The following DHDDS variants were observed in gnomAD, a reference collection of about 807,000 sequenced individuals.
DHDDS encodes dehydrodolichyl diphosphate synthase subunit.
In DHDDS, 16 loss-of-function variants were observed where a neutral mutation model predicts 46.2. The observed-to-expected ratio is 0.35, with a 90% CI of 0.23 to 0.53. The LOEUF is 0.53. Among genes scored for constraint, DHDDS ranks in the 20% least tolerant of loss-of-function variants. The pLI is 0.94. For missense variants in DHDDS, 340 were observed against 423.7 expected, an observed-to-expected ratio of 0.80 and a Z score of 1.73; for synonymous variants, 151 against 163.1, an observed-to-expected ratio of 0.93 and a Z score of 0.56.
At chr1:26,453,800 A>G (rs1311176767) in intron 6 of DHDDS, among the ~76,000 whole-genome samples, 10 of 152,028 alleles carry the variant, frequency 6.6e-5, no homozygotes, top group Non-Finnish European at 1.0e-4. Context: ...AAAAACTGAT[A>G]TTTTACCGTT....
chr1:26,440,999 A>G (rs2075213200), intron 3 of DHDDS, among the ~76,000 whole-genome samples: 1 of 150,222 alleles, frequency 6.7e-6, no homozygotes, highest in Non-Finnish European at 1.5e-5. Context: ...ATCTCAGTTC[A>G]CTGCAACCTC....
chr1:26,443,862 A>G (rs1335324447), intron 4 of DHDDS, among the ~76,000 whole-genome samples: 3 of 152,230 alleles, frequency 2.0e-5, no homozygotes, highest in Admixed American at 6.5e-5. Context: ...AGTGTTTACT[A>G]TATGCCAGGC....
chr1:26,456,372 G>GA (rs2075370281), intron 6 of DHDDS, among the ~76,000 whole-genome samples: 1 of 151,162 alleles, frequency 6.6e-6, no homozygotes, highest in African/African-American at 2.4e-5. Flanking sequence ...ACCCTGTCTG[G>GA]AAAAAAAATA....
rs529761102 is a variant in DHDDS at position 26,432,834 on chromosome 1, A to G, written c.-55-57A>G. ...TAGTCCATCTGATTCCCCAGAAGTC[A>G]GTTATAGCTCTTCGCAAACCTTGGT... is the stretch of plus-strand genomic sequence containing the variant. On this transcript the variant is annotated intron_variant, in intron 1 of 8. Transcript: ENST00000236342. 23 of 1,077,888 alleles carry G rather than the reference A, an allele frequency of 2.1e-5. No individual in the cohort carries two copies. In the East Asian group the frequency reaches 5.2e-4, roughly 25 times the overall value. The allele number at this position is 1,077,888 out of a possible 1,614,324, so 66.8% of individuals were successfully genotyped here. A position where few individuals can be genotyped will look rare whatever the true frequency, so the allele number is the denominator to read the frequency against.
chr1:26,454,113 C>G (rs973926446), intron 6 of DHDDS, among the ~76,000 whole-genome samples: 1 of 152,052 alleles, frequency 6.6e-6, no homozygotes, highest in African/African-American at 2.4e-5. Flanking sequence ...ACCACCACGC[C>G]CGGCTAATTT....
intron 6 of DHDDS, among the ~76,000 whole-genome samples, chr1:26,456,752 A>G (rs1033232451): frequency 6.6e-6 from 1 of 152,196 alleles, no homozygotes; most frequent in African/African-American, 2.4e-5. Context: ...AAAAAGAAAT[A>G]GTCTTTTCTT....
At chr1:26,435,264 C>G (rs2075142529) in intron 2 of DHDDS, among the ~76,000 whole-genome samples, 1 of 152,002 alleles carries the variant, frequency 6.6e-6, no homozygotes, top group South Asian at 2.1e-4. Context: ...CCCGCCTCGG[C>G]CTCCCAAAGT....
chr1:26,467,263 C>G, intron 8 of DHDDS: 1 of 465,890 alleles, frequency 2.1e-6, no homozygotes, highest in South Asian at 1.6e-5. Flanking sequence ...CTGCGCATCT[C>G]CATATCCTCA....
At chr1:26,446,204 C>T in intron 4 of DHDDS, 112 bp from the exon 5 acceptor site, 1 of 806,940 alleles carries the variant, frequency 1.2e-6, no homozygotes. Flanking sequence ...AGAACAGGGT[C>T]TGACACACAG....
At chr1:26,439,664 C>G (rs889335179) in intron 3 of DHDDS, among the ~76,000 whole-genome samples, 1 of 152,132 alleles carries the variant, frequency 6.6e-6, no homozygotes, top group African/African-American at 2.4e-5. Context: ...TCTGCTTTGC[C>G]AAGGCTGAGG....
chr1:26,454,857 A>G, intron 6 of DHDDS: 1 of 1,587,612 alleles, frequency 6.3e-7, no homozygotes, highest in Non-Finnish European at 8.6e-7. Context: ...ATGACCAGAG[A>G]ATCTACATTT....
intron 6 of DHDDS, among the ~76,000 whole-genome samples, chr1:26,457,126 G>A (rs539707953): frequency 6.6e-6 from 1 of 152,004 alleles, no homozygotes; most frequent in Non-Finnish European, 1.5e-5. Context: ...ATTCATCTTT[G>A]AGCCTCAGTT....
At chr1:26,432,520 T>G in intron 1 of DHDDS, 144 bp downstream of exon 1, 1 of 239,224 alleles carries the variant, frequency 4.2e-6, no homozygotes, top group East Asian at 1.1e-4. Context: ...ACTGAAGGAG[T>G]TAGTAACTGG....
intron 3 of DHDDS, among the ~76,000 whole-genome samples, chr1:26,440,141 A>C (rs992720420): frequency 6.6e-6 from 1 of 152,250 alleles, no homozygotes; most frequent in Non-Finnish European, 1.5e-5. Flanking sequence ...TCCGTCTCAA[A>C]AAAAATAAAT....
intron 4 of DHDDS, among the ~76,000 whole-genome samples, chr1:26,443,486 A>G (rs1195508485): frequency 6.6e-6 from 1 of 152,220 alleles, no homozygotes; most frequent in East Asian, 1.9e-4. Context: ...TTTAGGCTTA[A>G]CTTAGGGAAT....
Position 26,469,296 on chromosome 1 carries a change from G to C in DHDDS, c.*165G>C. ...GTTTGCTGGCCATAGATACCTTTGG[G>C]CTGCCTGGGACAGGCTCCTGAGGAG... On this transcript the variant is annotated 3_prime_UTR_variant, in exon 9 of 9. Transcript: ENST00000236342. The C allele has an allele frequency of 7.6e-7, 1 of 1,323,106 alleles. No individual in the cohort carries two copies. The highest frequency in any genetic ancestry group is 1.0e-6 in the Non-Finnish European group (1 of 955,766). The allele number at this position is 1,323,106 out of a possible 1,614,324, so 82.0% of individuals were successfully genotyped here. A position where few individuals can be genotyped will look rare whatever the true frequency, so the allele number is the denominator to read the frequency against.
At chr1:26,435,430 C>CTTTTT (rs35735570) in intron 2 of DHDDS, among the ~76,000 whole-genome samples, 2 of 62,534 alleles carry the variant, frequency 3.2e-5, no homozygotes, top group African/African-American at 7.1e-5. Context: ...GAATTAGTGC[C>CTTTTT]TTTTTTTTTT....
In DHDDS at chr1:26,451,404, A is replaced by ATGTGTGTG. The variant is rs35376620; in HGVS notation, c.542+3784_542+3791dup. 7.1e-3 allele frequency among the ~76,000 whole-genome samples: 970 copies of ATGTGTGTG among 136,006 alleles called. 14 individuals carry two copies. Among genetic ancestry groups the ATGTGTGTG allele is most frequent in the Non-Finnish European group, 8.2e-3 (522 of 63,634 alleles). The allele number at this position is 136,006 out of a possible 152,430, so 89.2% of individuals were successfully genotyped here. On this transcript the variant is annotated intron_variant, in intron 6 of 8. Coordinates refer to ENST00000236342, the MANE Select transcript of DHDDS (RefSeq NM_205861.3). Reference sequence around the variant, plus strand: ...TCTTTCTTCCAGGGTATGTATGTAGATGTGTGTGTGTGTGTGTGTGTGTGT... The same window carrying ATGTGTGTG: ...TCTTTCTTCCAGGGTATGTATGTAGATGTGTGTGTGTGTGTGTGTGTGTGTGTGTGTGT...
chr1:26,432,823 C>T (rs1392609721), intron 1 of DHDDS, 68 bp from the exon 2 acceptor site: 23 of 932,576 alleles, frequency 2.5e-5, no homozygotes, highest in Non-Finnish European at 4.0e-5. Flanking sequence ...CCATCTGATT[C>T]CCCAGAAGTC....
Sources: allele counts gnomAD v4.1 joint callset (sites outside exome capture counted in the v4.1 genomes callset), GRCh38; gene constraint gnomAD v4.1.1; transcripts MANE v1.5; gene names NCBI Gene and HGNC (gene_info 2026-07-23, HGNC 2026-07-21).